The following EPB41L4A variants were observed in gnomAD, a reference collection of about 807,000 sequenced individuals.
EPB41L4A encodes band 4.1-like protein 4A.
In EPB41L4A, 100 loss-of-function variants were observed where a neutral mutation model predicts 108.6. The observed-to-expected ratio is 0.92, with a 90% CI of 0.78 to 1.09. EPB41L4A has a LOEUF of 1.09. Ranked by LOEUF, EPB41L4A falls within the 50% of genes least tolerant of loss-of-function variation. The pLI is 0.00. For missense variants in EPB41L4A, 1,030 were observed against 842.7 expected, an observed-to-expected ratio of 1.22 and a Z score of -2.75; for synonymous variants, 319 against 289.0, an observed-to-expected ratio of 1.10 and a Z score of -1.05.
At chr5:112,321,509 C>T (rs1056919999) in intron 1 of EPB41L4A, among the ~76,000 whole-genome samples, 1 of 152,100 alleles carries the variant, frequency 6.6e-6, no homozygotes, top group Admixed American at 6.6e-5. Context: ...TTATTATGTA[C>T]ATTATTTGGC....
chr5:112,377,526 T>C (rs1439569185), intron 1 of EPB41L4A, among the ~76,000 whole-genome samples: 1 of 152,200 alleles, frequency 6.6e-6, no homozygotes, highest in Non-Finnish European at 1.5e-5. Context: ...TTTCATTTAC[T>C]GGCCATTTTC....
chr5:112,178,790 A>C (rs1761002070), intron 18 of EPB41L4A, among the ~76,000 whole-genome samples: 1 of 152,032 alleles, frequency 6.6e-6, no homozygotes, highest in Non-Finnish European at 1.5e-5. Context: ...GGAAATTTAT[A>C]AATTTATGCT....
At chr5:112,360,387 C>T (rs924132796) in intron 1 of EPB41L4A, among the ~76,000 whole-genome samples, 1 of 152,248 alleles carries the variant, frequency 6.6e-6, no homozygotes, top group African/African-American at 2.4e-5. Flanking sequence ...GATTCTCCTG[C>T]CTCAGCCTGC....
chr5:112,285,241 C>T (rs115108290), intron 2 of EPB41L4A, among the ~76,000 whole-genome samples: 3 of 152,246 alleles, frequency 2.0e-5, no homozygotes, highest in African/African-American at 7.2e-5. Flanking sequence ...CTTAAAAGCA[C>T]ACACAGTTTT....
intron 2 of EPB41L4A, among the ~76,000 whole-genome samples, chr5:112,289,061 T>C (rs1480548055): frequency 6.6e-6 from 1 of 152,148 alleles, no homozygotes; most frequent in Admixed American, 6.5e-5. Flanking sequence ...GTCTTTAAAT[T>C]AGTCAACACT....
intron 1 of EPB41L4A, among the ~76,000 whole-genome samples, chr5:112,358,999 AG>A (rs1168842299): frequency 1.3e-5 from 2 of 152,228 alleles, no homozygotes; most frequent in African/African-American, 4.8e-5. Context: ...ATTAGCCTAA[AG>A]GGCTAAAATT....
At chr5:112,221,488 T>G (rs1369422488) in intron 12 of EPB41L4A, among the ~76,000 whole-genome samples, 1 of 152,232 alleles carries the variant, frequency 6.6e-6, no homozygotes, top group Non-Finnish European at 1.5e-5. Context: ...AGTTTTCTCC[T>G]GTGTAAAATG....
At chr5:112,203,368 A>C (rs1762309546) in intron 15 of EPB41L4A, among the ~76,000 whole-genome samples, 1 of 152,170 alleles carries the variant, frequency 6.6e-6, no homozygotes, top group South Asian at 2.1e-4. Context: ...AAACAAAAAC[A>C]AAAACCACAA....
At chr5:112,306,986 G>A (rs955615341) in intron 2 of EPB41L4A, among the ~76,000 whole-genome samples, 1 of 151,284 alleles carries the variant, frequency 6.6e-6, no homozygotes, top group Non-Finnish European at 1.5e-5. Context: ...TTTTTACACT[G>A]TTATTTCTTC....
chr5:112,366,566 G>T (rs1351796080), intron 1 of EPB41L4A, among the ~76,000 whole-genome samples: 1 of 151,936 alleles, frequency 6.6e-6, no homozygotes, highest in African/African-American at 2.4e-5. Context: ...TAGGAGCCGT[G>T]GCCTCTGCTG....
intron 1 of EPB41L4A, among the ~76,000 whole-genome samples, chr5:112,380,220 AACT>A (rs1195071613): frequency 2.0e-5 from 3 of 152,194 alleles, no homozygotes; most frequent in Non-Finnish European, 4.4e-5. Context: ...TCCTGAGAAA[AACT>A]AGTCAGATTT....
At position 112,164,877 on chromosome 5, in the gene EPB41L4A, C is replaced by G. The variant is rs532102187; in HGVS notation, c.*113G>C. Reference sequence around the variant, plus strand: ...GCAAAAGATAATGTATTTTCTCATGCTGAAGAAATACTTGCAGGTCTGAGA... The same window carrying G: ...GCAAAAGATAATGTATTTTCTCATGGTGAAGAAATACTTGCAGGTCTGAGA... On this transcript the variant is annotated 3_prime_UTR_variant, in exon 23 of 23. Transcript: ENST00000261486. The G allele has an allele frequency of 9.5e-7, 1 of 1,049,716 alleles. No homozygotes were observed. The highest frequency in any genetic ancestry group is 1.3e-6 in the Non-Finnish European group (1 of 757,794). The allele number at this position is 1,049,716 out of a possible 1,614,324, so 65.0% of individuals were successfully genotyped here.
chr5:112,259,586 C>A (rs182691233), intron 8 of EPB41L4A, among the ~76,000 whole-genome samples: 2 of 152,310 alleles, frequency 1.3e-5, no homozygotes, highest in African/African-American at 4.8e-5. Flanking sequence ...TCCAACTCAT[C>A]CCCATTTGGA....
intron 5 of EPB41L4A, 21 bp downstream of exon 5, chr5:112,266,212 A>C: frequency 6.5e-7 from 1 of 1,549,586 alleles, no homozygotes; most frequent in Non-Finnish European, 8.7e-7. Flanking sequence ...TCTGAGGCAA[A>C]TATGCTTAAG....
At chr5:112,147,936 A>C (rs1484702590) in intron 12 of EPB41L4A, among the ~76,000 whole-genome samples, 1 of 151,238 alleles carries the variant, frequency 6.6e-6, no homozygotes, top group Non-Finnish European at 1.5e-5. Flanking sequence ...CTACTTGGGA[A>C]GCTGAGGCAG....
intron 12 of EPB41L4A, among the ~76,000 whole-genome samples, chr5:112,230,636 T>C (rs1475366938): frequency 4.6e-5 from 7 of 152,208 alleles, no homozygotes; most frequent in Admixed American, 1.3e-4. Context: ...AGTCCTTTGC[T>C]GGATGCATAG....
At chr5:112,388,195 G>A (rs1240293597) in intron 1 of EPB41L4A, among the ~76,000 whole-genome samples, 1 of 152,122 alleles carries the variant, frequency 6.6e-6, no homozygotes. Context: ...ACAAAAATAC[G>A]CTTATCTCCT....
intron 1 of EPB41L4A, among the ~76,000 whole-genome samples, chr5:112,368,727 G>C (rs1055895312): frequency 6.6e-6 from 1 of 152,028 alleles, no homozygotes; most frequent in Non-Finnish European, 1.5e-5. Context: ...TCATTGACCT[G>C]TCCTCCCCAC....
intron 12 of EPB41L4A, among the ~76,000 whole-genome samples, chr5:112,225,012 T>G (rs557999843): frequency 4.6e-5 from 7 of 152,324 alleles, no homozygotes; most frequent in African/African-American, 1.7e-4. Context: ...AACTTCACAA[T>G]ACCCGTCAAA....
Sources: gnomAD v4.1 joint callset for allele counts (sites outside exome capture counted in the v4.1 genomes callset) on GRCh38, gnomAD v4.1.1 for gene constraint, MANE v1.5 for transcripts, NCBI Gene and HGNC (gene_info 2026-07-23, HGNC 2026-07-21) for gene names.